The following RNF220 variants were observed in gnomAD, a reference collection of about 807,000 sequenced individuals.
RNF220 encodes E3 ubiquitin-protein ligase RNF220.
A neutral mutation model predicts 67.1 loss-of-function variants in RNF220; 7 were observed. The observed-to-expected ratio is 0.10, with a 90% confidence interval of 0.06 to 0.20. The LOEUF is 0.20. Among genes scored for constraint, RNF220 ranks in the 10% least tolerant of loss-of-function variants. The pLI is 1.00. For missense variants in RNF220, 565 were observed against 740.3 expected, an observed-to-expected ratio of 0.76 and a Z score of 2.75; for synonymous variants, 270 against 283.2, an observed-to-expected ratio of 0.95 and a Z score of 0.47.
intron 2 of RNF220, among the ~76,000 whole-genome samples, chr1:44,589,859 T>C (rs1041663816): frequency 1.3e-5 from 2 of 152,202 alleles, no homozygotes; most frequent in African/African-American, 4.8e-5. Flanking sequence ...TGATGATTCC[T>C]TGACTCAAGG....
Position 44,405,385 on chromosome 1 carries a change from T to TGCTGCTGCC in RNF220, c.-255_-254insCGCTGCTGC, listed in dbSNP as rs1647239418. 5 of 627,400 alleles carry TGCTGCTGCC rather than the reference T, an allele frequency of 8.0e-6. No individual in the cohort carries two copies. Among genetic ancestry groups the TGCTGCTGCC allele is most frequent in the South Asian group, 5.1e-5 (3 of 59,216 alleles). The allele number at this position is 627,400 out of a possible 1,614,324, so 38.9% of individuals were successfully genotyped here. Reference sequence around the variant, plus strand: ...CCCGGGGCCAGCCGCCTACTGCTGCTGCTGCTGCTGCCGCTGCCGCCGCCG... The same window carrying TGCTGCTGCC: ...CCCGGGGCCAGCCGCCTACTGCTGCTGCTGCTGCCGCTGCTGCTGCCGCTGCCGCCGCCG... On this transcript the variant is annotated 5_prime_UTR_variant, in exon 1 of 15. Transcript: ENST00000361799.
Position 44,651,046 on chromosome 1 carries a change from T to C in RNF220, c.*271T>C. On this transcript the variant is annotated 3_prime_UTR_variant, in exon 15 of 15. Transcript: ENST00000361799. ...CTGTTCCCAGGGTGGGGCAGGGAGG[T>C]GGGGGTTGGGGGAGTAGTGGGGCAC... is the stretch of plus-strand genomic sequence containing the variant. 2.2e-6 allele frequency: 1 copy of C among 451,512 alleles called. No individual in the cohort carries two copies. The highest frequency in any genetic ancestry group is 4.1e-6 in the Non-Finnish European group (1 of 242,848). 28.0% of individuals were successfully genotyped at this position (451,512 alleles called of 1,614,324 possible).
At chr1:44,477,712 G>A (rs1655418630) in intron 2 of RNF220, among the ~76,000 whole-genome samples, 1 of 152,184 alleles carries the variant, frequency 6.6e-6, no homozygotes, top group African/African-American at 2.4e-5. Flanking sequence ...TGAATAGACA[G>A]TAGCTACCTG....
intron 6 of RNF220, 178 bp from the exon 7 acceptor site, chr1:44,635,367 T>A: frequency 1.1e-6 from 1 of 934,632 alleles, no homozygotes; most frequent in Non-Finnish European, 1.5e-6. Flanking sequence ...CCAGGTGCTC[T>A]TGGCAAAGCC....
intron 2 of RNF220, chr1:44,419,607 T>G (rs900652944): frequency 1.3e-5 from 2 of 152,244 alleles, no homozygotes; most frequent in Non-Finnish European, 2.9e-5. Flanking sequence ...TGGTGGCGAT[T>G]ATAATCTAGT....
chr1:44,646,632 T>G (rs1160068524), intron 12 of RNF220, among the ~76,000 whole-genome samples: 1 of 152,200 alleles, frequency 6.6e-6, no homozygotes, highest in Non-Finnish European at 1.5e-5. Flanking sequence ...GACAAGATCA[T>G]TAATCAGGGA....
chr1:44,533,432 A>G (rs1660976479), intron 2 of RNF220, among the ~76,000 whole-genome samples: 1 of 152,102 alleles, frequency 6.6e-6, no homozygotes, highest in African/African-American at 2.4e-5. Flanking sequence ...GGCTGCAGTG[A>G]GCCCTGATGG....
intron 2 of RNF220, among the ~76,000 whole-genome samples, chr1:44,560,420 G>A (rs1171749425): frequency 6.6e-6 from 1 of 152,096 alleles, no homozygotes; most frequent in Non-Finnish European, 1.5e-5. Flanking sequence ...AGGTAGAGTC[G>A]GTGGTGACCA....
intron 2 of RNF220, among the ~76,000 whole-genome samples, chr1:44,498,246 C>T (rs1657522138): frequency 6.6e-6 from 1 of 152,118 alleles, no homozygotes; most frequent in Non-Finnish European, 1.5e-5. Flanking sequence ...GGTGTAACTC[C>T]AGAGGTCCAC....
intron 2 of RNF220, chr1:44,572,986 TC>T (rs1414697485): frequency 9.7e-6 from 4 of 411,632 alleles, no homozygotes; most frequent in Non-Finnish European, 2.0e-5. Flanking sequence ...AAAGAGAAGT[TC>T]TCGAGGCCCT....
chr1:44,412,560 T>G lies in RNF220; in HGVS notation c.463T>G (p.Phe155Val). ...TGACACAGAGTCTCCCCACTTGCGC[T>G]TCTCAGATGCAGATGGCAAGGAATA... ...CHDTESPHLR[F>V]SDADGKEYDF... is the part of the protein sequence containing the mutation. Residue 155 changes from phenylalanine (F) to valine (V), a missense_variant, in exon 2 of 15, where the codon TTC (phenylalanine) becomes GTC (valine). Physicochemically the swap from Phe to Val is conservative, Grantham distance 50. Transcript: ENST00000361799. The surrounding 1 kb of genome is among the most constrained non-coding windows in gnomAD (Gnocchi z 5.3). 6.2e-7 allele frequency: 1 copy of G among 1,614,172 alleles called. No homozygotes were observed. The highest frequency in any genetic ancestry group is 8.5e-7 in the Non-Finnish European group (1 of 1,180,030).
intron 2 of RNF220, among the ~76,000 whole-genome samples, chr1:44,536,013 T>C (rs191370485): frequency 5.3e-4 from 80 of 152,322 alleles, no homozygotes; most frequent in African/African-American, 1.7e-3. Flanking sequence ...AACTCGCTAT[T>C]AAGCAAGGGT....
At chr1:44,545,067 C>T (rs2148234820) in intron 2 of RNF220, among the ~76,000 whole-genome samples, 1 of 152,362 alleles carries the variant, frequency 6.6e-6, no homozygotes, top group South Asian at 2.1e-4. Flanking sequence ...GGAGCTTACG[C>T]CGTAGTTCTC....
intron 3 of RNF220, among the ~76,000 whole-genome samples, chr1:44,618,931 G>T (rs59764933): frequency 2.0e-5 from 3 of 152,094 alleles, no homozygotes; most frequent in Non-Finnish European, 4.4e-5. Flanking sequence ...GAATGATTGG[G>T]AGAGTGATGG....
intron 2 of RNF220, among the ~76,000 whole-genome samples, chr1:44,566,109 C>G (rs1663987541): frequency 6.6e-6 from 1 of 152,204 alleles, no homozygotes; most frequent in Non-Finnish European, 1.5e-5. Context: ...CCTCCCATCC[C>G]TCCCCCTAGC....
At chr1:44,475,568 C>CAAAAA (rs35917344) in intron 2 of RNF220, among the ~76,000 whole-genome samples, 3 of 70,984 alleles carry the variant, frequency 4.2e-5, no homozygotes, top group Non-Finnish European at 8.3e-5. Context: ...GACTCGGTCT[C>CAAAAA]AAAAAAAAAA....
Position 44,520,116 on chromosome 1 carries a change from TGTGTGTGTGTGTGA to T in RNF220, c.626-94047_626-94034del, listed in dbSNP as rs1659793339. On this transcript the variant is annotated intron_variant, in intron 2 of 14. Transcript: ENST00000361799. The stretch of plus-strand genomic sequence containing the variant: ...GTGTGTGTGTGTGTGTGTGTGTGTG[TGTGTGTGTGTGTGA>T]GAGAGAGAGAGAGAGAAAGAGAGAG... Among the ~76,000 whole-genome samples the T allele has an allele frequency of 2.1e-5, 3 of 140,868 alleles. No homozygotes were observed. The South Asian group carries it at 7.3e-4, about 34-fold the overall frequency. The allele number at this position is 140,868 out of a possible 152,430, so 92.4% of individuals were successfully genotyped here.
chr1:44,460,743 C>G (rs74878223), intron 2 of RNF220, among the ~76,000 whole-genome samples: 1 of 152,196 alleles, frequency 6.6e-6, no homozygotes, highest in Admixed American at 6.5e-5. Flanking sequence ...CTAAAGAGGC[C>G]GTGCTGGTAC....
At chr1:44,539,002 C>G (rs900800230) in intron 2 of RNF220, among the ~76,000 whole-genome samples, 3 of 151,516 alleles carry the variant, frequency 2.0e-5, no homozygotes, top group African/African-American at 7.3e-5. Flanking sequence ...GGGCGGATCA[C>G]CTGAGCTCAG....
Sources: allele counts gnomAD v4.1 joint callset (sites outside exome capture counted in the v4.1 genomes callset), GRCh38; gene constraint gnomAD v4.1.1; non-coding constraint Gnocchi (gnomAD v3.1); transcripts MANE v1.5; gene names NCBI Gene and HGNC (gene_info 2026-07-23, HGNC 2026-07-21).